Variants in CADM2 observed in about 807,000 individuals in gnomAD.
CADM2 encodes the protein immunoglobulin superfamily member 4D.
In CADM2, 12 loss-of-function variants were observed where a neutral mutation model predicts 49.8. The observed-to-expected ratio is 0.24, with a 90% CI of 0.15 to 0.39. The LOEUF is 0.39. Ranked by LOEUF, CADM2 falls within the 10% of genes least tolerant of loss-of-function variation. The pLI is 1.00. For synonymous variants in CADM2, 214 were observed against 175.4 expected, an observed-to-expected ratio of 1.22 and a Z score of -1.74; for missense variants, 378 against 492.3, an observed-to-expected ratio of 0.77 and a Z score of 2.20.
intron 1 of CADM2, among the ~76,000 whole-genome samples, chr3:85,695,061 A>C (rs957466425): frequency 8.3e-4 from 127 of 152,178 alleles, no homozygotes; most frequent in African/African-American, 2.5e-3. Flanking sequence ...CGTGTTTTTC[A>C]TTGTTTTATT....
intron 1 of CADM2, among the ~76,000 whole-genome samples, chr3:85,624,397 A>G (rs2064063351): frequency 6.6e-6 from 1 of 151,984 alleles, no homozygotes. Context: ...CAGTGGTGCA[A>G]TCTTGGCTCA....
intron 7 of CADM2, among the ~76,000 whole-genome samples, chr3:85,945,734 C>T (rs1261131702): frequency 6.6e-6 from 1 of 152,096 alleles, no homozygotes; most frequent in Non-Finnish European, 1.5e-5. Context: ...AACAGCCCTT[C>T]ATGCTAAAAA....
intron 6 of CADM2, among the ~76,000 whole-genome samples, chr3:85,928,166 T>A (rs933102704): frequency 1.3e-5 from 2 of 150,652 alleles, no homozygotes; most frequent in Non-Finnish European, 3.0e-5. Flanking sequence ...GAATTTTTTT[T>A]TTTTTTTTTT....
chr3:86,064,661 A>G (rs754561317), intron 8 of CADM2, among the ~76,000 whole-genome samples: 4 of 152,162 alleles, frequency 2.6e-5, no homozygotes, highest in Admixed American at 6.5e-5. Context: ...AATGCTCATC[A>G]TCACTGGCCA....
intron 1 of CADM2, among the ~76,000 whole-genome samples, chr3:85,220,817 A>T (rs2042028260): frequency 6.6e-6 from 1 of 152,122 alleles, no homozygotes; most frequent in African/African-American, 2.4e-5. Context: ...GAAAAAAAAA[A>T]ATGGTTGTTT....
At chr3:85,278,757 TG>T (rs1259509809) in intron 1 of CADM2, among the ~76,000 whole-genome samples, 2 of 129,378 alleles carry the variant, frequency 1.5e-5, no homozygotes, top group African/African-American at 2.8e-5. Flanking sequence ...TGTGTGTGTG[TG>T]TGTTGGTAGT....
chr3:85,819,207 CT>C (rs2073401586), intron 3 of CADM2, among the ~76,000 whole-genome samples: 1 of 152,144 alleles, frequency 6.6e-6, no homozygotes, highest in Admixed American at 6.5e-5. Context: ...AGCAAGCCAG[CT>C]TCTTCCACCT....
intron 1 of CADM2, among the ~76,000 whole-genome samples, chr3:85,247,241 T>A (rs2042669866): frequency 6.6e-6 from 1 of 152,096 alleles, no homozygotes; most frequent in South Asian, 2.1e-4. Context: ...TGAAATACAG[T>A]AAGTGTGGTG....
At chr3:85,713,796 T>C (rs1398904573) in intron 1 of CADM2, among the ~76,000 whole-genome samples, 1 of 152,250 alleles carries the variant, frequency 6.6e-6, no homozygotes. Context: ...AATAGGTATC[T>C]ACATGCTCTT....
intron 2 of CADM2, among the ~76,000 whole-genome samples, chr3:85,776,792 C>T (rs960732849): frequency 6.6e-6 from 1 of 152,056 alleles, no homozygotes; most frequent in African/African-American, 2.4e-5. Context: ...ATTGTTTTTA[C>T]TTCCCAATCC....
rs767174602 is a variant in CADM2, at chr3:86,065,705, T to A, written c.1071T>A (p.Leu357=). ...TCACGCTGTGTTCTATCTTTCTGCT[T>A]GGTCGATATCTGGCAAGGCATAAAG... ...VFVTLCSIFL[L]GRYLARHKGT... Residue 357 remains leucine (L), a synonymous_variant, in exon 9 of 10, where the codon CTT becomes CTA. Transcript: ENST00000383699. The A allele has an allele frequency of 6.2e-7, 1 of 1,614,042 alleles. No homozygotes were observed. The highest frequency in any genetic ancestry group is 1.1e-5 in the South Asian group (1 of 91,086).
intron 5 of CADM2, among the ~76,000 whole-genome samples, chr3:85,904,517 C>T (rs1283063111): frequency 1.3e-5 from 2 of 152,150 alleles, no homozygotes; most frequent in African/African-American, 4.8e-5. Flanking sequence ...AGTCATGGTT[C>T]AAATACCATA....
Position 85,569,528 on chromosome 3 carries a change from C to T in CADM2, c.62-156994C>T, listed in dbSNP as rs571023715. The stretch of plus-strand genomic sequence containing the variant: ...TTGCAAAATCACTGTACCATTCTAG[C>T]TTCCAGCCAGCAATATACGAGTGAC... On this transcript the variant is annotated intron_variant, in intron 1 of 9. Transcript: ENST00000383699. 7.2e-5 allele frequency among the ~76,000 whole-genome samples: 11 copies of T among 152,172 alleles called. No individual in the cohort carries two copies. In the South Asian group the frequency reaches 1.0e-3, roughly 14 times the overall value.
chr3:85,372,468 CA>C (rs2033320080), intron 1 of CADM2, among the ~76,000 whole-genome samples: 4 of 50,644 alleles, frequency 7.9e-5, no homozygotes, highest in Admixed American at 6.7e-4. Flanking sequence ...TATATGAGAT[CA>C]AAATGTATGA....
intron 2 of CADM2, among the ~76,000 whole-genome samples, chr3:85,752,211 G>A (rs1020571427): frequency 3.3e-5 from 5 of 152,056 alleles, no homozygotes; most frequent in Non-Finnish European, 7.4e-5. Context: ...CAAAGATGAG[G>A]CCTAGCCAGC....
intron 1 of CADM2, among the ~76,000 whole-genome samples, chr3:85,382,891 G>T (rs180858458): frequency 6.6e-6 from 1 of 152,060 alleles, no homozygotes. Context: ...CAACACTTAC[G>T]AGTGCTGTTA....
rs868027481 is a variant in CADM2, at chr3:84,965,811, G to A, written c.61+6143G>A. 6.0e-4 allele frequency among the ~76,000 whole-genome samples: 92 copies of A among 152,176 alleles called. 2 individuals carry two copies. Among genetic ancestry groups the A allele is most frequent in the Admixed American group, 2.0e-3 (30 of 15,284 alleles). On this transcript the variant is annotated intron_variant, in intron 1 of 9. Coordinates refer to ENST00000383699, the MANE Select transcript of CADM2 (RefSeq NM_001167675.2). ...ATATAGCAGTTTCTTTACAAAATAGGAGTTAACTGTTCAGTGTCTCTTCAG... is the reference window on the plus strand; with the variant it reads ...ATATAGCAGTTTCTTTACAAAATAGAAGTTAACTGTTCAGTGTCTCTTCAG...
intron 1 of CADM2, among the ~76,000 whole-genome samples, chr3:85,130,441 CA>C (rs1283056436): frequency 6.6e-6 from 1 of 152,142 alleles, no homozygotes; most frequent in Non-Finnish European, 1.5e-5. Flanking sequence ...GTGAAATCTT[CA>C]AACAATCTTC....
chr3:85,545,851 C>T (rs182098121), intron 1 of CADM2, among the ~76,000 whole-genome samples: 2 of 152,100 alleles, frequency 1.3e-5, no homozygotes, highest in Non-Finnish European at 2.9e-5. Flanking sequence ...TGAAGAAGAA[C>T]CAGAACTTCT....
Sources: gnomAD v4.1 joint callset for allele counts (sites outside exome capture counted in the v4.1 genomes callset) on GRCh38, gnomAD v4.1.1 for gene constraint, MANE v1.5 for transcripts, NCBI Gene and HGNC (gene_info 2026-07-23, HGNC 2026-07-21) for gene names.